The following COPG2 variants were observed in gnomAD, a reference collection of about 807,000 sequenced individuals.
COPG2 encodes coatomer subunit gamma-2.
In COPG2, 37 loss-of-function variants were observed where a neutral mutation model predicts 46.3. That is an observed-to-expected ratio of 0.80 (90% CI 0.61 to 1.05). The LOEUF (loss-of-function observed/expected upper bound fraction) is 1.05. COPG2 is among the 50% of genes least tolerant of loss of function. COPG2 has a pLI of 0.00. For synonymous variants in COPG2, 159 were observed against 129.7 expected (o/e 1.23, Z -1.53); for missense variants, 427 against 387.8 (o/e 1.10, Z -0.85).
At chr7:130,575,338 A>C (rs1554446059) in intron 9 of COPG2, among the ~76,000 whole-genome samples, 1 of 152,232 alleles carries the variant, frequency 6.6e-6, no homozygotes, top group Non-Finnish European at 1.5e-5. Context: ...AAAACTTATC[A>C]GATTAACAGC....
chr7:130,619,678 ACT>A (rs1320321067), intron 5 of COPG2, among the ~76,000 whole-genome samples: 1 of 151,804 alleles, frequency 6.6e-6, no homozygotes, highest in Non-Finnish European at 1.5e-5. Flanking sequence ...TACAGAATTC[ACT>A]CTTTTGATTT....
chr7:130,508,886 A>ATGAT (rs1287976428), intron 20 of COPG2: 1 of 563,954 alleles, frequency 1.8e-6, no homozygotes, highest in African/African-American at 1.9e-5. Flanking sequence ...CAGTACAGAA[A>ATGAT]TGATAACATG....
chr7:130,566,868 G>T (rs1793812390), intron 9 of COPG2, among the ~76,000 whole-genome samples: 1 of 152,136 alleles, frequency 6.6e-6, no homozygotes, highest in Admixed American at 6.6e-5. Context: ...CTTTGATCAA[G>T]GTCTATGAAA....
intron 5 of COPG2, among the ~76,000 whole-genome samples, chr7:130,632,123 A>C (rs1022957447): frequency 6.6e-6 from 1 of 152,190 alleles, no homozygotes; most frequent in African/African-American, 2.4e-5. Context: ...TTCATTTACT[A>C]TAATATTTAC....
At chr7:130,524,508 A>G (rs1010196812) in intron 20 of COPG2, among the ~76,000 whole-genome samples, 2 of 152,160 alleles carry the variant, frequency 1.3e-5, no homozygotes, top group African/African-American at 4.8e-5. Context: ...CTAATGGGCA[A>G]GAAGAATGAG....
Position 130,652,942 on chromosome 7 carries a change from A to T in COPG2, c.250T>A (p.Leu84Met). Residue 84 changes from leucine to methionine, a missense_variant, in exon 5 of 24, where the codon TTG becomes ATG. Coordinates refer to ENST00000425248, the MANE Select transcript of COPG2 (RefSeq NM_012133.6). ...TRLFQSNDQT[L>M]RRMCYLTIKE... ...ATGGTAAGGTAGCACATTCTCCTCA[A>T]TGTTTGCTGAAAAATCATTTATAAA... is the stretch of plus-strand genomic sequence containing the variant. 2 of 1,594,598 alleles carry T rather than the reference A, an allele frequency of 1.3e-6. No individual in the cohort carries two copies. The highest frequency in any genetic ancestry group is 1.7e-6 in the Non-Finnish European group (2 of 1,167,094).
intron 14 of COPG2, among the ~76,000 whole-genome samples, chr7:130,553,210 G>A (rs1386237903): frequency 6.6e-6 from 1 of 152,154 alleles, no homozygotes; most frequent in Non-Finnish European, 1.5e-5. Flanking sequence ...GACCCATGTT[G>A]GAGAGCAAGA....
At chr7:130,544,937 G>C (rs1225674157) in intron 20 of COPG2, among the ~76,000 whole-genome samples, 2 of 152,080 alleles carry the variant, frequency 1.3e-5, no homozygotes, top group African/African-American at 4.8e-5. Flanking sequence ...AATTTTTTCA[G>C]ATAGGGTAGA....
Position 130,507,863 on chromosome 7 carries a change from T to C in COPG2, c.2248-40A>G, listed in dbSNP as rs1554440446. 3.9e-6 allele frequency: 3 copies of C among 773,972 alleles called. No individual in the cohort carries two copies. The African/African-American group carries it at 5.1e-5, about 13-fold the overall frequency. 47.9% of individuals were successfully genotyped at this position (773,972 alleles called of 1,614,324 possible). On this transcript the variant is annotated intron_variant, in intron 21 of 23. Coordinates refer to ENST00000425248, the MANE Select transcript of COPG2 (RefSeq NM_012133.6). The stretch of plus-strand genomic sequence containing the variant: ...GCAGTCAGTAAAGAAAAGTCCTTTC[T>C]GTTATAGGGCAAAGATAAAGGAACT...
At chr7:130,653,502 C>A (rs1341708369) in intron 4 of COPG2, among the ~76,000 whole-genome samples, 1 of 152,212 alleles carries the variant, frequency 6.6e-6, no homozygotes, top group Non-Finnish European at 1.5e-5. Context: ...GCACTTTCCT[C>A]AGTTCAGTGT....
At chr7:130,526,954 G>C (rs1340214619) in intron 20 of COPG2, among the ~76,000 whole-genome samples, 6 of 144,564 alleles carry the variant, frequency 4.2e-5, no homozygotes, top group African/African-American at 1.5e-4. Flanking sequence ...GAATGGGGGT[G>C]GGGGGAGGCA....
intron 5 of COPG2, among the ~76,000 whole-genome samples, chr7:130,617,907 C>A (rs1219264644): frequency 5.9e-5 from 9 of 151,738 alleles, no homozygotes; most frequent in African/African-American, 1.9e-4. Context: ...GCAAGACCAG[C>A]CTGGGAAACA....
chr7:130,605,497 CAG>C (rs1164167237), intron 9 of COPG2, among the ~76,000 whole-genome samples: 2 of 152,184 alleles, frequency 1.3e-5, no homozygotes, highest in Admixed American at 6.5e-5. Flanking sequence ...AAAGGCAAAT[CAG>C]AGAGATTCAA....
At chr7:130,573,790 A>G (rs1398944726) in intron 9 of COPG2, among the ~76,000 whole-genome samples, 2 of 152,188 alleles carry the variant, frequency 1.3e-5, no homozygotes, top group African/African-American at 4.8e-5. Context: ...CTAATGGTAC[A>G]TGTTACATAG....
At chr7:130,590,695 G>A (rs1794384674) in intron 9 of COPG2, among the ~76,000 whole-genome samples, 1 of 151,942 alleles carries the variant, frequency 6.6e-6, no homozygotes, top group Non-Finnish European at 1.5e-5. Context: ...GGGAAGTGAG[G>A]AGCGTCTCTG....
At chr7:130,658,053 A>G (rs1055018056) in intron 4 of COPG2, among the ~76,000 whole-genome samples, 74 of 152,326 alleles carry the variant, frequency 4.9e-4, no homozygotes, top group African/African-American at 1.7e-3. Context: ...CATTTATCCA[A>G]AAGAAATAAA....
intron 9 of COPG2, among the ~76,000 whole-genome samples, chr7:130,581,760 G>A (rs1554447187): frequency 1.4e-5 from 2 of 143,280 alleles, no homozygotes; most frequent in African/African-American, 5.2e-5. Context: ...GCTTCAAAGA[G>A]AATAAAATAC....
intron 9 of COPG2, among the ~76,000 whole-genome samples, chr7:130,577,778 A>AG (rs1291329527): frequency 6.6e-6 from 1 of 150,992 alleles, no homozygotes; most frequent in African/African-American, 2.4e-5. Context: ...AAAAAAAAAA[A>AG]AAAAAAAAAA....
At chr7:130,639,065 T>C (rs1795408581) in intron 5 of COPG2, among the ~76,000 whole-genome samples, 1 of 152,130 alleles carries the variant, frequency 6.6e-6, no homozygotes, top group Admixed American at 6.6e-5. Flanking sequence ...GCACCCACTG[T>C]CTAACCAGTC....
Sources: gnomAD v4.1 joint callset for allele counts (sites outside exome capture counted in the v4.1 genomes callset) on GRCh38, gnomAD v4.1.1 for gene constraint, MANE v1.5 for transcripts, NCBI Gene and HGNC (gene_info 2026-07-23, HGNC 2026-07-21) for gene names.